FILIP1: variants seen among roughly 807,000 people sequenced by gnomAD.
The protein encoded by FILIP1 is filamin A interacting protein 1.
In FILIP1, 61 loss-of-function variants were observed where a neutral mutation model predicts 102.1. That is an observed-to-expected ratio of 0.60 (90% CI 0.49 to 0.74). The LOEUF is 0.74. FILIP1 is among the 30% of genes least tolerant of loss of function. The pLI, the probability that FILIP1 is intolerant of heterozygous loss-of-function variation, is 0.00. For missense variants in FILIP1, 1,314 were observed against 1,441.2 expected (o/e 0.91, Z 1.43); for synonymous variants, 491 against 526.9 (o/e 0.93, Z 0.93).
At chr6:75,365,311 A>G (rs1775291883) in intron 2 of FILIP1, among the ~76,000 whole-genome samples, 2 of 152,252 alleles carry the variant, frequency 1.3e-5, no homozygotes, top group East Asian at 3.9e-4. Context: ...AAAAGGGCTT[A>G]GAAGACAGGG....
Position 75,308,500 on chromosome 6 carries a change from T to G in FILIP1, c.*191A>C. The G allele has an allele frequency of 1.4e-6, 2 of 1,418,374 alleles. No individual in the cohort carries two copies. The highest frequency in any genetic ancestry group is 1.8e-6 in the Non-Finnish European group (2 of 1,089,688). 87.9% of individuals were successfully genotyped at this position (1,418,374 alleles called of 1,614,324 possible). On this transcript the variant is annotated 3_prime_UTR_variant, in exon 6 of 6. Coordinates refer to ENST00000237172, the MANE Select transcript of FILIP1 (RefSeq NM_015687.5). ...GCTTCTAGGCAGCAAGCAATAGTTT[T>G]GCTAATTTTGTTCCCCAGCATCAAA...
intron 2 of FILIP1, among the ~76,000 whole-genome samples, chr6:75,381,338 T>G (rs1775899359): frequency 6.6e-6 from 1 of 152,102 alleles, no homozygotes; most frequent in African/African-American, 2.4e-5. Context: ...CAAGCGATTC[T>G]CCTGCTTCAG....
At chr6:75,360,014 G>A (rs1775124806) in intron 3 of FILIP1, among the ~76,000 whole-genome samples, 1 of 152,166 alleles carries the variant, frequency 6.6e-6, no homozygotes, top group African/African-American at 2.4e-5. Context: ...TGTTTTGAAC[G>A]CCACTCACTG....
intron 3 of FILIP1, among the ~76,000 whole-genome samples, chr6:75,358,034 C>T (rs1031492263): frequency 2.0e-5 from 3 of 151,926 alleles, no homozygotes; most frequent in Non-Finnish European, 4.4e-5. Flanking sequence ...TCTACTTGGA[C>T]GAAGTGGAAG....
intron 4 of FILIP1, among the ~76,000 whole-genome samples, chr6:75,344,347 T>G (rs1774510820): frequency 6.6e-6 from 1 of 152,236 alleles, no homozygotes; most frequent in South Asian, 2.1e-4. Context: ...CTAGCCACTT[T>G]AAAGACAAAG....
chr6:75,395,440 C>T (rs998686156), intron 2 of FILIP1, among the ~76,000 whole-genome samples: 1 of 152,012 alleles, frequency 6.6e-6, no homozygotes, highest in Non-Finnish European at 1.5e-5. Flanking sequence ...CAACCATGCC[C>T]GGCTAATTTT....
rs1776245304 is a variant in FILIP1, at chr6:75,390,371, A to G, written c.276+24326T>C. The stretch of plus-strand genomic sequence containing the variant: ...TGTACTAGTCCATTCTTGCATTTCT[A>G]TTAAGGTAAAGAAATATCTGAGACT... On this transcript the variant is annotated intron_variant, in intron 2 of 5. Coordinates refer to ENST00000237172, the MANE Select transcript of FILIP1 (RefSeq NM_015687.5). 2.0e-5 allele frequency among the ~76,000 whole-genome samples: 3 copies of G among 152,144 alleles called. 1 individual carries two copies. In the South Asian group the frequency reaches 6.2e-4, roughly 31 times the overall value.
intron 4 of FILIP1, among the ~76,000 whole-genome samples, chr6:75,333,473 G>T (rs1774143876): frequency 6.6e-6 from 1 of 152,054 alleles, no homozygotes; most frequent in Non-Finnish European, 1.5e-5. Flanking sequence ...CAAGTAAACA[G>T]AAGTTCATCC....
chr6:75,372,728 G>GA (rs58451662), intron 2 of FILIP1, among the ~76,000 whole-genome samples: 12 of 61,384 alleles, frequency 2.0e-4, no homozygotes, highest in African/African-American at 9.7e-4. Flanking sequence ...GAAAGAGAAA[G>GA]AGAAAGAAAG....
intron 4 of FILIP1, among the ~76,000 whole-genome samples, chr6:75,342,932 G>C (rs373560089): frequency 1.6e-4 from 25 of 152,190 alleles, no homozygotes; most frequent in African/African-American, 5.5e-4. Context: ...TTCTTGGAGG[G>C]AGAACCACAA....
At chr6:75,464,581 C>T (rs1044087082) in intron 1 of FILIP1, among the ~76,000 whole-genome samples, 5 of 152,174 alleles carry the variant, frequency 3.3e-5, no homozygotes, top group East Asian at 1.9e-4. Flanking sequence ...AACTCACAGC[C>T]AGCCAATTCT....
At position 75,414,731 on chromosome 6, in the gene FILIP1, A is replaced by C. The variant is rs373309866; in HGVS notation, c.242T>G (p.Ile81Ser). ...CCCTTCCATTATACTGAGTAGTTGG[A>C]TGAGGTCTTCTTTGGATAACTCCAG... ...KSLELSKEDL[I>S]QLLSIMEGEL... The change falls in exon 2 of 6, where the codon ATC becomes AGC. Residue 81 changes from isoleucine (I) to serine (S), a missense_variant. Physicochemically the swap from Ile to Ser is moderately radical, Grantham distance 142 (BLOSUM62 -2). Transcript: ENST00000237172. The C allele has an allele frequency of 1.0e-4, 165 of 1,613,648 alleles. No homozygotes were observed. Among genetic ancestry groups the C allele is most frequent in the Non-Finnish European group, 1.4e-4 (160 of 1,179,762 alleles).
At chr6:75,465,180 T>C (rs1281501288) in intron 1 of FILIP1, 3 of 186,360 alleles carry the variant, frequency 1.6e-5, no homozygotes, top group Non-Finnish European at 3.3e-5. Flanking sequence ...TTTCCAACCA[T>C]TGGAAGAACT....
chr6:75,407,137 G>A (rs1255126852), intron 2 of FILIP1, among the ~76,000 whole-genome samples: 1 of 152,126 alleles, frequency 6.6e-6, no homozygotes, highest in African/African-American at 2.4e-5. Flanking sequence ...AAAATGGCTG[G>A]GAACCCCAAA....
Position 75,394,387 on chromosome 6 carries a change from C to G in FILIP1, c.276+20310G>C, listed in dbSNP as rs868672520. Among the ~76,000 whole-genome samples the G allele has an allele frequency of 2.0e-5, 3 of 151,974 alleles. No homozygotes were observed. In the South Asian group the frequency reaches 6.2e-4, roughly 32 times the overall value. On this transcript the variant is annotated intron_variant, in intron 2 of 5. Coordinates refer to ENST00000237172, the MANE Select transcript of FILIP1 (RefSeq NM_015687.5). Reference sequence around the variant, plus strand: ...GTATAATCTAAGAGTGGGAAGGCCTCTCTAATTTTAATCCACATCAGAAGC... The same window carrying G: ...GTATAATCTAAGAGTGGGAAGGCCTGTCTAATTTTAATCCACATCAGAAGC...
chr6:75,313,383 C>T lies in FILIP1; in HGVS notation c.2449G>A (p.Glu817Lys). The T allele has an allele frequency of 6.2e-7, 1 of 1,614,214 alleles. No individual in the cohort carries two copies. ...CGTATGAATACAGCTGGCGTTTCTTCCTCTGCTGCTTCACCGCTGACTGCA... is the reference window on the plus strand; with the variant it reads ...CGTATGAATACAGCTGGCGTTTCTTTCTCTGCTGCTTCACCGCTGACTGCA... ...TDAVSGEAAE[E>K]ETPAVFIRKS... Residue 817 changes from glutamate to lysine, a missense_variant, in exon 5 of 6, where the codon GAA becomes AAA. Around this residue, in one of 3 missense-constraint regions of FILIP1, gnomAD observed 816 missense variants for 913.1 expected, o/e 0.89. Coordinates refer to ENST00000237172, the MANE Select transcript of FILIP1 (RefSeq NM_015687.5). This position sits in a 1 kb window ranked among gnomAD's most constrained non-coding sequence, Gnocchi z 4.2.
intron 1 of FILIP1, chr6:75,453,982 C>T (rs1289965906): frequency 2.2e-6 from 1 of 456,608 alleles, no homozygotes; most frequent in Non-Finnish European, 4.4e-6. Flanking sequence ...GACAAATTAC[C>T]ATAAATTTCA....
chr6:75,319,309 CA>C (rs1773557225), intron 4 of FILIP1: 1 of 656,802 alleles, frequency 1.5e-6, no homozygotes, highest in African/African-American at 1.8e-5. Flanking sequence ...ATGGGCAGGC[CA>C]GGATGTTCTT....
At chr6:75,320,033 T>C (rs1229243787) in intron 4 of FILIP1, 2 of 279,088 alleles carry the variant, frequency 7.2e-6, no homozygotes, top group Admixed American at 7.7e-5. Flanking sequence ...GGTCCGGCTC[T>C]CATTTGCCCC....
Sources: allele counts gnomAD v4.1 joint callset (sites outside exome capture counted in the v4.1 genomes callset), GRCh38; gene constraint gnomAD v4.1.1; regional missense constraint gnomAD v4.1.1; non-coding constraint Gnocchi (gnomAD v3.1); transcripts MANE v1.5; gene names NCBI Gene and HGNC (gene_info 2026-07-23, HGNC 2026-07-21).